FNDC3A: variants seen among roughly 807,000 people sequenced by gnomAD.
The protein encoded by FNDC3A is fibronectin type-III domain-containing protein 3A.
A neutral mutation model predicts 148.9 loss-of-function variants in FNDC3A; 32 were observed. That is an observed-to-expected ratio of 0.21 (90% confidence interval 0.16 to 0.29). The LOEUF (loss-of-function observed/expected upper bound fraction) is 0.29. Ranked by LOEUF, FNDC3A falls within the 10% of genes least tolerant of loss-of-function variation. FNDC3A has a pLI of 1.00. For missense variants in FNDC3A, 1,191 were observed against 1,452.8 expected, an observed-to-expected ratio of 0.82 and a Z score of 2.93; for synonymous variants, 472 against 473.6, an observed-to-expected ratio of 1.00 and a Z score of 0.04.
intron 25 of FNDC3A, among the ~76,000 whole-genome samples, chr13:49,206,668 T>A (rs896943220): frequency 2.6e-5 from 4 of 152,234 alleles, no homozygotes; most frequent in Non-Finnish European, 5.9e-5. Flanking sequence ...TTTGAAATTA[T>A]ATGGAAATTT....
intron 1 of FNDC3A, among the ~76,000 whole-genome samples, chr13:48,992,379 T>A (rs3012135): frequency 0.32 from 48,978 of 152,030 alleles, 8,007 homozygotes; most frequent in South Asian, 0.48. Context: ...AGAAAAATAT[T>A]TGTAAATCAC....
intron 8 of FNDC3A, among the ~76,000 whole-genome samples, chr13:49,156,591 AG>A (rs888179542): frequency 8.1e-5 from 12 of 149,044 alleles, no homozygotes; most frequent in African/African-American, 2.7e-4. Flanking sequence ...TTTGCTCGTT[AG>A]TTGATGCAGT....
rs544949959 is a variant in FNDC3A at position 49,121,313 on chromosome 13, A to G, written c.252+6582A>G. Among the ~76,000 whole-genome samples, 6 of 152,336 alleles carry G rather than the reference A, an allele frequency of 3.9e-5. No homozygotes were observed. In the South Asian group the frequency reaches 1.2e-3, roughly 32 times the overall value. On this transcript the variant is annotated intron_variant, in intron 4 of 25. Transcript: ENST00000492622. ...TGAAACCAATGAGAACAAAGACACA[A>G]CATACCGGAATCTTTGGGACACATT... is the stretch of plus-strand genomic sequence containing the variant.
intron 19 of FNDC3A, among the ~76,000 whole-genome samples, chr13:49,194,006 A>T (rs1391111651): frequency 6.6e-6 from 1 of 152,182 alleles, no homozygotes; most frequent in Non-Finnish European, 1.5e-5. Context: ...CACACCTGTA[A>T]TCCCAATACT....
chr13:49,029,868 A>G (rs1873979639), intron 2 of FNDC3A, among the ~76,000 whole-genome samples: 1 of 152,232 alleles, frequency 6.6e-6, no homozygotes, highest in East Asian at 1.9e-4. Context: ...TGAACTAGAC[A>G]AATATCTAGA....
Position 49,161,840 on chromosome 13 carries a change from T to G in FNDC3A, c.978-5404T>G, listed in dbSNP as rs551712787. Among the ~76,000 whole-genome samples the G allele has an allele frequency of 1.0e-3, 158 of 152,334 alleles. 1 individual carries two copies. Among genetic ancestry groups the G allele is most frequent in the African/African-American group, 3.6e-3 (149 of 41,572 alleles). Reference sequence around the variant, plus strand: ...CTCAGGATTTGCTTGTAAATTTGTCTGTAAAGGATTTTATTTCTCCTTCAC... The same window carrying G: ...CTCAGGATTTGCTTGTAAATTTGTCGGTAAAGGATTTTATTTCTCCTTCAC... On this transcript the variant is annotated intron_variant, in intron 8 of 25. Transcript: ENST00000492622.
At chr13:49,033,853 TAAA>T (rs1314094844) in intron 2 of FNDC3A, among the ~76,000 whole-genome samples, 4 of 152,034 alleles carry the variant, frequency 2.6e-5, no homozygotes, top group Non-Finnish European at 5.9e-5. Flanking sequence ...AGTTTTAGAG[TAAA>T]CTTAAAACTA....
In FNDC3A at chr13:49,207,152, A is replaced by T; in HGVS notation, c.3354A>T (p.Val1118=). ...LQLNCEYRFR[V]CAIRQCQDSL... is the part of the protein sequence containing the mutation. Reference sequence around the variant, plus strand: ...TGAACTGTGAATATCGCTTCCGTGTATGTGCCATTCGCCAGTGCCAAGACT... The same window carrying T: ...TGAACTGTGAATATCGCTTCCGTGTTTGTGCCATTCGCCAGTGCCAAGACT... The change falls in exon 26 of 26, where the codon GTA becomes GTT. Residue 1118 remains valine (V), a synonymous_variant. Transcript: ENST00000492622. The T allele has an allele frequency of 1.9e-6, 3 of 1,614,156 alleles. No individual in the cohort carries two copies. The highest frequency in any genetic ancestry group is 2.5e-6 in the Non-Finnish European group (3 of 1,179,998).
chr13:49,187,110 T>G lies in FNDC3A; in HGVS notation c.1757-12T>G. The G allele has an allele frequency of 6.2e-7, 1 of 1,603,988 alleles. No individual in the cohort carries two copies. The highest frequency in any genetic ancestry group is 1.1e-5 in the South Asian group (1 of 90,508). ...TGTACCTTGCCTAATACTACTTTGC[T>G]TCTTTGGATAGATCCACCAAAAGAC... On this transcript the variant is annotated splice_polypyrimidine_tract_variant and intron_variant, in intron 15 of 25. Coordinates refer to ENST00000492622, the MANE Select transcript of FNDC3A (RefSeq NM_001079673.2).
chr13:49,067,779 C>A (rs1278012818), intron 2 of FNDC3A, among the ~76,000 whole-genome samples: 1 of 152,096 alleles, frequency 6.6e-6, no homozygotes, highest in African/African-American at 2.4e-5. Flanking sequence ...AGTTTATATA[C>A]CAATCCAGGT....
chr13:49,180,418 C>A (rs908039071), intron 14 of FNDC3A, among the ~76,000 whole-genome samples: 3 of 152,110 alleles, frequency 2.0e-5, no homozygotes, highest in African/African-American at 7.2e-5. Flanking sequence ...CTATTAGCTT[C>A]ATTTTAAAAA....
intron 2 of FNDC3A, among the ~76,000 whole-genome samples, chr13:49,060,685 A>G (rs1876615173): frequency 6.6e-6 from 1 of 151,006 alleles, no homozygotes; most frequent in Admixed American, 6.6e-5. Context: ...GATGCATGCT[A>G]CAACTTGATT....
chr13:49,184,139 C>T (rs1323609350), intron 14 of FNDC3A, among the ~76,000 whole-genome samples: 4 of 152,182 alleles, frequency 2.6e-5, no homozygotes, highest in Non-Finnish European at 1.5e-5. Context: ...ATCAGAAAAA[C>T]ATTCCAAGTG....
Position 49,075,419 on chromosome 13 carries a change from A to C in FNDC3A, c.175+55A>C, listed in dbSNP as rs1012047163. ...GAGACCAAATAAACCCCAAAAATTTATGATACATAATAGTGTATATGCCTA... is the reference window on the plus strand; with the variant it reads ...GAGACCAAATAAACCCCAAAAATTTCTGATACATAATAGTGTATATGCCTA... On this transcript the variant is annotated intron_variant, in intron 3 of 25. Transcript: ENST00000492622. 4 of 985,774 alleles carry C rather than the reference A, an allele frequency of 4.1e-6. No individual in the cohort carries two copies. In the African/African-American group the frequency reaches 6.4e-5, roughly 16 times the overall value. The allele number at this position is 985,774 out of a possible 1,614,324, so 61.1% of individuals were successfully genotyped here.
At chr13:49,089,451 C>G (rs966629935) in intron 3 of FNDC3A, among the ~76,000 whole-genome samples, 2 of 152,158 alleles carry the variant, frequency 1.3e-5, no homozygotes, top group African/African-American at 4.8e-5. Context: ...GAGAGATTGT[C>G]TGGAATAAAC....
intron 1 of FNDC3A, 53 bp from the exon 2 acceptor site, chr13:49,006,099 T>A (rs2137598478): frequency 1.6e-6 from 1 of 618,352 alleles, no homozygotes; most frequent in Admixed American, 2.8e-5. Flanking sequence ...GTACAATGTT[T>A]TACTGTATTT....
intron 7 of FNDC3A, among the ~76,000 whole-genome samples, chr13:49,144,218 G>A (rs986572380): frequency 6.6e-6 from 1 of 151,816 alleles, no homozygotes; most frequent in Admixed American, 6.6e-5. Context: ...AACCTGCTCA[G>A]TTTCAAGTTA....
chr13:49,182,620 T>C (rs1264509133), intron 14 of FNDC3A, among the ~76,000 whole-genome samples: 2 of 152,122 alleles, frequency 1.3e-5, no homozygotes, highest in African/African-American at 4.8e-5. Context: ...GCTAAGAACC[T>C]TTAGATACTT....
intron 8 of FNDC3A, chr13:49,146,568 C>T (rs565586181): frequency 3.9e-5 from 6 of 152,282 alleles, no homozygotes; most frequent in African/African-American, 1.2e-4. Context: ...GAAACCCCGT[C>T]TTTACTAAAA....
Sources: allele counts gnomAD v4.1 joint callset (sites outside exome capture counted in the v4.1 genomes callset), GRCh38; gene constraint gnomAD v4.1.1; transcripts MANE v1.5; gene names NCBI Gene and HGNC (gene_info 2026-07-23, HGNC 2026-07-21).